CFDP1: variants seen among roughly 807,000 people sequenced by gnomAD.
CFDP1 encodes heterochromatin-stabilizing protein CFDP1.
Under a neutral mutation model 40.1 loss-of-function variants are expected in CFDP1, and 31 were observed. The observed-to-expected ratio is 0.77, with a 90% CI of 0.58 to 1.04. The LOEUF is 1.04. CFDP1 is among the 50% of genes least tolerant of loss of function. The pLI, the probability that CFDP1 is intolerant of heterozygous loss-of-function variation, is 0.00. For missense variants in CFDP1, 423 were observed against 343.4 expected, an observed-to-expected ratio of 1.23 and a Z score of -1.83; for synonymous variants, 167 against 120.0, an observed-to-expected ratio of 1.39 and a Z score of -2.56.
chr16:75,342,589 T>G (rs73617854), intron 5 of CFDP1, among the ~76,000 whole-genome samples: 471 of 152,302 alleles, frequency 3.1e-3, no homozygotes, highest in African/African-American at 0.011. Flanking sequence ...GAGTTCTGCC[T>G]GGCCCTGTAC....
chr16:75,297,279 C>T (rs2078190585), intron 6 of CFDP1, among the ~76,000 whole-genome samples: 2 of 151,894 alleles, frequency 1.3e-5, no homozygotes, highest in African/African-American at 4.8e-5. Context: ...CTCAGCCTCC[C>T]GAAGTGCTGG....
intron 5 of CFDP1, among the ~76,000 whole-genome samples, chr16:75,323,549 G>T (rs138184852): frequency 1.3e-5 from 2 of 151,944 alleles, no homozygotes; most frequent in Non-Finnish European, 2.9e-5. Context: ...TGAAGGCCGA[G>T]GCAGGTGGAT....
At chr16:75,340,631 G>A (rs1438610680) in intron 5 of CFDP1, among the ~76,000 whole-genome samples, 1 of 152,030 alleles carries the variant, frequency 6.6e-6, no homozygotes, top group East Asian at 1.9e-4. Flanking sequence ...ACTATTTTTT[G>A]GACGAAATTT....
intron 5 of CFDP1, among the ~76,000 whole-genome samples, chr16:75,316,569 TAAAAA>T (rs780200659): frequency 3.8e-5 from 1 of 26,606 alleles, no homozygotes; most frequent in East Asian, 1.2e-3. Flanking sequence ...AGACCCTGTC[TAAAAA>T]AAAAAAAAAA....
intron 5 of CFDP1, among the ~76,000 whole-genome samples, chr16:75,309,855 T>C (rs376949041): frequency 9.8e-4 from 140 of 142,322 alleles, no homozygotes; most frequent in African/African-American, 3.3e-3. Flanking sequence ...ACCAATCCAG[T>C]TCCAGACCAA....
intron 5 of CFDP1, among the ~76,000 whole-genome samples, chr16:75,315,719 G>A (rs1410312106): frequency 6.6e-6 from 1 of 152,100 alleles, no homozygotes; most frequent in East Asian, 1.9e-4. Context: ...GTGGCCGTGT[G>A]GAGCCATTGC....
intron 1 of CFDP1, among the ~76,000 whole-genome samples, chr16:75,422,792 G>C (rs1434938912): frequency 6.6e-6 from 1 of 152,064 alleles, no homozygotes; most frequent in Non-Finnish European, 1.5e-5. Flanking sequence ...GTGTCACTGA[G>C]CTGTGATCTT....
chr16:75,431,912 T>C (rs1408409352), intron 1 of CFDP1, among the ~76,000 whole-genome samples: 1 of 25,658 alleles, frequency 3.9e-5, no homozygotes, highest in Non-Finnish European at 1.3e-4. Context: ...ACTGGCTAAC[T>C]TTTTTTTTTT....
rs2079452430 is a variant in CFDP1 at position 75,433,444 on chromosome 16, G to GCGGCGA, written c.-98_-93dup. ...AGGGAGAGACCATAGAGCCCCGGCG[G>GCGGCGA]CGGCGACGGCAGCTAGGGCGGCCCC... On this transcript the variant is annotated 5_prime_UTR_variant, in exon 1 of 7. Transcript: ENST00000283882. The GCGGCGA allele has an allele frequency of 7.6e-7, 1 of 1,310,960 alleles. No individual in the cohort carries two copies. Among genetic ancestry groups the GCGGCGA allele is most frequent in the Non-Finnish European group, 1.1e-6 (1 of 942,716 alleles). The allele number at this position is 1,310,960 out of a possible 1,614,324, so 81.2% of individuals were successfully genotyped here.
chr16:75,403,365 C>A (rs1435076955), intron 4 of CFDP1, among the ~76,000 whole-genome samples: 4 of 152,140 alleles, frequency 2.6e-5, no homozygotes, highest in African/African-American at 4.8e-5. Flanking sequence ...ACTACAGACA[C>A]ACACCACAAT....
intron 5 of CFDP1, among the ~76,000 whole-genome samples, chr16:75,308,644 C>T (rs2078273952): frequency 6.6e-6 from 1 of 152,146 alleles, no homozygotes. Flanking sequence ...TAGAGCGCTT[C>T]TACACTGGAG....
At chr16:75,298,781 A>G (rs2078202039) in intron 6 of CFDP1, among the ~76,000 whole-genome samples, 1 of 152,158 alleles carries the variant, frequency 6.6e-6, no homozygotes, top group African/African-American at 2.4e-5. Context: ...TTTCTTCTCC[A>G]CTGCCTTCTT....
At chr16:75,299,052 C>T (rs117295513) in intron 6 of CFDP1, among the ~76,000 whole-genome samples, 5,602 of 152,192 alleles carry the variant, frequency 0.037, 127 homozygotes, top group Admixed American at 0.052. Flanking sequence ...TGCTAGATGC[C>T]AAGCTGCTGC....
At chr16:75,319,137 G>A (rs150073946) in intron 5 of CFDP1, among the ~76,000 whole-genome samples, 4 of 152,184 alleles carry the variant, frequency 2.6e-5, no homozygotes, top group Admixed American at 6.5e-5. Flanking sequence ...TCTGCCTCCC[G>A]GGTTCAAGTG....
At chr16:75,367,383 T>G (rs1026810142) in intron 5 of CFDP1, among the ~76,000 whole-genome samples, 5 of 146,972 alleles carry the variant, frequency 3.4e-5, no homozygotes, top group African/African-American at 1.3e-4. Context: ...ATGGCACACA[T>G]GTACCTATGT....
rs867742631 is a variant in CFDP1 at position 75,396,614 on chromosome 16, A to G, written c.531-1405T>C. 1.1e-4 allele frequency among the ~76,000 whole-genome samples: 11 copies of G among 99,712 alleles called. 4 individuals carry two copies. The highest frequency in any genetic ancestry group is 2.2e-4 in the Non-Finnish European group (9 of 41,362). 65.4% of individuals were successfully genotyped at this position (99,712 alleles called of 152,430 possible). A position where few individuals can be genotyped will look rare whatever the true frequency, so the allele number is the denominator to read the frequency against. The stretch of plus-strand genomic sequence containing the variant: ...ATCCAAAACAACCCAAAGATGAAAC[A>G]AAAACTGGCTAAATTAGCAATAATT... On this transcript the variant is annotated intron_variant, in intron 4 of 6. Transcript: ENST00000283882.
intron 5 of CFDP1, among the ~76,000 whole-genome samples, chr16:75,334,085 T>G (rs2078467749): frequency 6.6e-6 from 1 of 152,100 alleles, no homozygotes; most frequent in South Asian, 2.1e-4. Context: ...CCAGAGCCTC[T>G]GTGCAACAGA....
chr16:75,373,617 T>G (rs2078769944), intron 5 of CFDP1, among the ~76,000 whole-genome samples: 1 of 152,216 alleles, frequency 6.6e-6, no homozygotes, highest in Non-Finnish European at 1.5e-5. Flanking sequence ...CACACTGTAT[T>G]CAAAGGGTTT....
intron 5 of CFDP1, among the ~76,000 whole-genome samples, chr16:75,334,890 G>A (rs1199209600): frequency 6.6e-6 from 1 of 152,050 alleles, no homozygotes; most frequent in African/African-American, 2.4e-5. Flanking sequence ...CGGAGGTGGA[G>A]GTTGCAGTGA....
Sources: gnomAD v4.1 joint callset for allele counts (sites outside exome capture counted in the v4.1 genomes callset) on GRCh38, gnomAD v4.1.1 for gene constraint, MANE v1.5 for transcripts, NCBI Gene and HGNC (gene_info 2026-07-23, HGNC 2026-07-21) for gene names.